ASAH2: variants seen among roughly 807,000 people sequenced by gnomAD.
ASAH2 encodes the protein N-acylsphingosine amidohydrolase 2.
Under a neutral mutation model 82.9 loss-of-function variants are expected in ASAH2, and 58 were observed. The observed-to-expected ratio is 0.70, with a 90% CI of 0.57 to 0.87. ASAH2 has a LOEUF of 0.87. Ranked by LOEUF, ASAH2 falls within the 40% of genes least tolerant of loss-of-function variation. The pLI is 0.00. For synonymous variants in ASAH2, 276 were observed against 289.7 expected (o/e 0.95, Z 0.48); for missense variants, 779 against 834.0 (o/e 0.93, Z 0.81).
intron 4 of ASAH2, among the ~76,000 whole-genome samples, chr10:50,238,472 C>T (rs1846212087): frequency 6.6e-6 from 1 of 152,142 alleles, no homozygotes; most frequent in African/African-American, 2.4e-5. Context: ...CTTCTGTATT[C>T]CTTCTCTTTG....
intron 4 of ASAH2, 87 bp downstream of exon 4, chr10:50,243,115 C>A: frequency 6.8e-7 from 1 of 1,473,488 alleles, no homozygotes; most frequent in South Asian, 1.2e-5. Flanking sequence ...GAATGAGAAA[C>A]CAAGAGGAAT....
chr10:50,239,711 G>A lies in ASAH2; in HGVS notation c.510+3491C>T, dbSNP rs925899188. Among the ~76,000 whole-genome samples the A allele has an allele frequency of 1.9e-4, 29 of 152,054 alleles. No individual in the cohort carries two copies. The South Asian group carries it at 3.1e-3, about 16-fold the overall frequency. On this transcript the variant is annotated intron_variant, in intron 4 of 20. Coordinates refer to ENST00000682911, the MANE Select transcript of ASAH2 (RefSeq NM_019893.4). ...ATAATAATACCTCCCTCATAGAGTCGTTTGGAGGAATAAGTACATTAATCC... is the reference window on the plus strand; with the variant it reads ...ATAATAATACCTCCCTCATAGAGTCATTTGGAGGAATAAGTACATTAATCC...
intron 12 of ASAH2, among the ~76,000 whole-genome samples, chr10:50,206,792 T>C (rs922309494): frequency 2.0e-5 from 3 of 151,970 alleles, no homozygotes; most frequent in African/African-American, 7.2e-5. Flanking sequence ...CTCTCAATCA[T>C]GGATAGAACA....
In ASAH2 at chr10:50,210,914, A is replaced by G. The variant is rs1400425097; in HGVS notation, c.1333-10T>C. On this transcript the variant is annotated splice_polypyrimidine_tract_variant and intron_variant, in intron 11 of 20. Transcript: ENST00000682911. ...GTTTACATGTTTTTGACTAAAGGAA[A>G]AGTTTTAAAAACAAAACAAAAATGA... 2 of 1,612,700 alleles carry G rather than the reference A, an allele frequency of 1.2e-6. No individual in the cohort carries two copies. The highest frequency in any genetic ancestry group is 2.7e-5 in the African/African-American group (2 of 74,900).
rs1366627347 is a variant in ASAH2, at chr10:50,211,145, C to G, written c.1228-11G>C. The G allele has an allele frequency of 5.6e-6, 9 of 1,594,964 alleles. No individual in the cohort carries two copies. The highest frequency in any genetic ancestry group is 7.7e-6 in the Non-Finnish European group (9 of 1,162,820). On this transcript the variant is annotated splice_polypyrimidine_tract_variant and intron_variant, in intron 10 of 20. Transcript: ENST00000682911. ...AGAGGCATAGAGTTCCTAGAAAACA[C>G]ACAGGCTTATTATTCCAAGCAAAAA...
intron 12 of ASAH2, 116 bp from the exon 13 acceptor site, chr10:50,206,213 T>C: frequency 1.2e-6 from 1 of 830,264 alleles, no homozygotes. Context: ...TTTATTGAGG[T>C]TGTTGTTCAA....
chr10:50,195,663 A>G (rs1844956568), intron 18 of ASAH2, among the ~76,000 whole-genome samples: 1 of 151,910 alleles, frequency 6.6e-6, no homozygotes, highest in East Asian at 1.9e-4. Context: ...CAATGGATGA[A>G]TGGATAAAGA....
intron 5 of ASAH2, 132 bp downstream of exon 5, chr10:50,235,756 A>C: frequency 1.0e-6 from 1 of 952,418 alleles, no homozygotes; most frequent in Non-Finnish European, 1.7e-6. Flanking sequence ...GTCAGGGAGG[A>C]GAAAGAATTG....
chr10:50,221,198 G>A (rs2133214942), intron 7 of ASAH2, among the ~76,000 whole-genome samples: 1 of 152,104 alleles, frequency 6.6e-6, no homozygotes, highest in Non-Finnish European at 1.5e-5. Context: ...TGTGTGTGTG[G>A]TTTTGTCTCT....
intron 5 of ASAH2, 126 bp from the exon 6 acceptor site, chr10:50,234,678 G>T: frequency 2.2e-6 from 3 of 1,340,934 alleles, no homozygotes; most frequent in African/African-American, 1.5e-5. Flanking sequence ...CACATTACGG[G>T]ATAAAAGCTG....
At chr10:50,194,979 G>A (rs1336304377) in intron 18 of ASAH2, among the ~76,000 whole-genome samples, 2 of 150,652 alleles carry the variant, frequency 1.3e-5, no homozygotes, top group African/African-American at 2.4e-5. Context: ...TGTTGGTGTA[G>A]GCGATGTTTT....
rs1048440108 is a variant in ASAH2 at position 50,247,564 on chromosome 10, A to G, written c.127+920T>C. 4.6e-5 allele frequency among the ~76,000 whole-genome samples: 7 copies of G among 152,242 alleles called. No homozygotes were observed. The South Asian group carries it at 1.0e-3, about 23-fold the overall frequency. On this transcript the variant is annotated intron_variant, in intron 2 of 20. Transcript: ENST00000682911. ...GGATCTCTGATCCTCTGTGTTTGCC[A>G]GGAATTCAAAGCCCTGGGACATAGT...
intron 2 of ASAH2, among the ~76,000 whole-genome samples, chr10:50,247,628 A>G (rs913761096): frequency 6.6e-6 from 1 of 152,126 alleles, no homozygotes; most frequent in Non-Finnish European, 1.5e-5. Context: ...ACAAAAGGGA[A>G]AACTGAGGTA....
At chr10:50,226,028 G>A (rs1395730663) in intron 7 of ASAH2, among the ~76,000 whole-genome samples, 1 of 152,048 alleles carries the variant, frequency 6.6e-6, no homozygotes, top group Non-Finnish European at 1.5e-5. Context: ...AGGAGGTGGA[G>A]GTTGCAGTGA....
intron 4 of ASAH2, among the ~76,000 whole-genome samples, chr10:50,242,945 CA>C (rs1440285584): frequency 1.3e-5 from 2 of 152,070 alleles, no homozygotes; most frequent in Non-Finnish European, 2.9e-5. Flanking sequence ...AAGCTTTCAA[CA>C]AAAACATTAG....
intron 18 of ASAH2, among the ~76,000 whole-genome samples, chr10:50,193,000 C>T (rs1327955244): frequency 2.1e-5 from 1 of 47,240 alleles, no homozygotes. Flanking sequence ...CTTGATAATT[C>T]CTCACACCTC....
At chr10:50,213,625 G>C (rs1845519964) in intron 9 of ASAH2, among the ~76,000 whole-genome samples, 1 of 152,020 alleles carries the variant, frequency 6.6e-6, no homozygotes, top group Admixed American at 6.6e-5. Flanking sequence ...GTAGTATGAG[G>C]GTGTGGGCAG....
intron 4 of ASAH2, among the ~76,000 whole-genome samples, chr10:50,242,862 G>A (rs754989845): frequency 1.3e-5 from 2 of 152,068 alleles, no homozygotes; most frequent in Non-Finnish European, 2.9e-5. Flanking sequence ...AGTGATTAAT[G>A]GGTGCTCTCC....
At chr10:50,193,976 A>G (rs1160886177) in intron 18 of ASAH2, among the ~76,000 whole-genome samples, 1 of 151,334 alleles carries the variant, frequency 6.6e-6, no homozygotes, top group Non-Finnish European at 1.5e-5. Flanking sequence ...CAAGGAAAAA[A>G]ATAGGACATA....
Sources: gnomAD v4.1 joint callset for allele counts (sites outside exome capture counted in the v4.1 genomes callset) on GRCh38, gnomAD v4.1.1 for gene constraint, MANE v1.5 for transcripts, NCBI Gene and HGNC (gene_info 2026-07-23, HGNC 2026-07-21) for gene names.